The following MAGI2 variants were observed in gnomAD, a reference collection of about 807,000 sequenced individuals.
MAGI2 encodes membrane associated guanylate kinase, WW and PDZ domain containing 2, also known as membrane-associated guanylate kinase, WW and PDZ domain-containing protein 2.
In MAGI2, 35 loss-of-function variants were observed where a neutral mutation model predicts 133.3. The ratio of observed to expected loss-of-function variants is 0.26; its 90% confidence interval spans 0.20 to 0.35. The LOEUF is 0.35. Ranked by LOEUF, MAGI2 falls within the 10% of genes least tolerant of loss-of-function variation. The probability of loss-of-function intolerance (pLI) is 1.00; values close to 1 mark genes in which losing one functional copy is unlikely to be tolerated. For missense variants in MAGI2, 1,636 were observed against 1,863.4 expected (o/e 0.88, Z 2.25); for synonymous variants, 729 against 710.6 (o/e 1.03, Z -0.41).
intron 6 of MAGI2, among the ~76,000 whole-genome samples, chr7:78,424,251 G>A (rs1390206785): frequency 6.6e-6 from 1 of 152,200 alleles, no homozygotes; most frequent in East Asian, 1.9e-4. Context: ...GAGGATGGAA[G>A]CCCCAAACCT....
intron 2 of MAGI2, among the ~76,000 whole-genome samples, chr7:78,886,441 T>C (rs1481893996): frequency 6.6e-6 from 1 of 152,176 alleles, no homozygotes; most frequent in Non-Finnish European, 1.5e-5. Context: ...TTAGAGCCAA[T>C]GTGATTGACT....
intron 1 of MAGI2, among the ~76,000 whole-genome samples, chr7:79,206,346 A>G (rs1022172075): frequency 1.4e-4 from 21 of 151,774 alleles, no homozygotes; most frequent in Non-Finnish European, 2.5e-4. Flanking sequence ...CCTAAGAGAA[A>G]AAAGAAAACT....
At chr7:78,331,653 G>C (rs994880845) in intron 9 of MAGI2, among the ~76,000 whole-genome samples, 1 of 152,090 alleles carries the variant, frequency 6.6e-6, no homozygotes, top group African/African-American at 2.4e-5. Flanking sequence ...ATATCTTCCA[G>C]TCCATTTCTA....
At chr7:79,418,131 TTTTC>T (rs1336587222) in intron 1 of MAGI2, among the ~76,000 whole-genome samples, 1 of 152,120 alleles carries the variant, frequency 6.6e-6, no homozygotes, top group African/African-American at 2.4e-5. Context: ...GTGCCATTGT[TTTTC>T]TTTCTTAGTA....
In MAGI2 at chr7:79,131,027, A is replaced by T. The variant is rs115367601; in HGVS notation, c.302-123821T>A. On this transcript the variant is annotated intron_variant, in intron 1 of 21. Coordinates refer to ENST00000354212, the MANE Select transcript of MAGI2 (RefSeq NM_012301.4). Reference sequence around the variant, plus strand: ...AGGATCATGGAGCAGGTACTAGGCTAGTTACAATGCAAGGTGTTAAGTGAT... The same window carrying T: ...AGGATCATGGAGCAGGTACTAGGCTTGTTACAATGCAAGGTGTTAAGTGAT... 5.5e-3 allele frequency among the ~76,000 whole-genome samples: 831 copies of T among 152,288 alleles called. 11 individuals are homozygous for T. Among genetic ancestry groups the T allele is most frequent in the African/African-American group, 0.019 (791 of 41,558 alleles).
chr7:79,051,565 G>A (rs1268209290), intron 1 of MAGI2, among the ~76,000 whole-genome samples: 6 of 152,074 alleles, frequency 3.9e-5, no homozygotes, highest in Non-Finnish European at 7.4e-5. Flanking sequence ...TATTGCACAT[G>A]TCTTTTATAA....
intron 2 of MAGI2, among the ~76,000 whole-genome samples, chr7:78,729,680 T>C (rs1404932825): frequency 6.6e-6 from 1 of 152,238 alleles, no homozygotes; most frequent in Non-Finnish European, 1.5e-5. Context: ...GAATTCTAGA[T>C]AGATGCTTCA....
chr7:78,662,596 T>C (rs953612718), intron 2 of MAGI2, among the ~76,000 whole-genome samples: 7 of 152,230 alleles, frequency 4.6e-5, no homozygotes, highest in African/African-American at 1.7e-4. Flanking sequence ...TATTTCCATT[T>C]ATTTTATAAT....
chr7:78,837,163 A>G (rs1402136106), intron 2 of MAGI2, among the ~76,000 whole-genome samples: 1 of 152,120 alleles, frequency 6.6e-6, no homozygotes. Flanking sequence ...TGTTAACTCA[A>G]AATTCTCTGG....
rs116116027 is a variant in MAGI2, at chr7:78,572,227, T to G, written c.539-50582A>C. 6.9e-3 allele frequency among the ~76,000 whole-genome samples: 1,056 copies of G among 152,300 alleles called. 10 individuals carry two copies. The highest frequency in any genetic ancestry group is 0.024 in the African/African-American group (995 of 41,548). On this transcript the variant is annotated intron_variant, in intron 3 of 21. Coordinates refer to ENST00000354212, the MANE Select transcript of MAGI2 (RefSeq NM_012301.4). Reference sequence around the variant, plus strand: ...TTTCTTTTACTAAGCTCCTCAGAGATTATGACTGTTTTAATGCTATTTAAT... The same window carrying G: ...TTTCTTTTACTAAGCTCCTCAGAGAGTATGACTGTTTTAATGCTATTTAAT...
chr7:78,782,793 A>G (rs907607741), intron 2 of MAGI2, among the ~76,000 whole-genome samples: 1 of 152,084 alleles, frequency 6.6e-6, no homozygotes, highest in Non-Finnish European at 1.5e-5. Flanking sequence ...AAACTTTGAC[A>G]GTACTAAGCA....
intron 1 of MAGI2, among the ~76,000 whole-genome samples, chr7:79,280,926 GAAAAAAAAAAAAAAAAAAAAAAAAAA>G (rs71095390): frequency 5.6e-5 from 2 of 35,766 alleles, no homozygotes; most frequent in African/African-American, 2.3e-4. Flanking sequence ...CTCTGTCTCT[GAAAAAAAAAAAAAAAAAAAAAAAAAA>G]AAAAAAAAAA....
intron 2 of MAGI2, among the ~76,000 whole-genome samples, chr7:78,813,814 C>T (rs527717556): frequency 7.1e-6 from 1 of 141,814 alleles, no homozygotes; most frequent in South Asian, 2.2e-4. Flanking sequence ...ACACAAAAAG[C>T]AACAAAAAAC....
At chr7:78,132,274 C>T (rs1404759449) in intron 18 of MAGI2, among the ~76,000 whole-genome samples, 2 of 152,222 alleles carry the variant, frequency 1.3e-5, no homozygotes, top group African/African-American at 4.8e-5. Flanking sequence ...TGGACGTCTG[C>T]AGCCACCTCC....
chr7:78,562,272 T>C (rs1342551107), intron 3 of MAGI2, among the ~76,000 whole-genome samples: 1 of 152,248 alleles, frequency 6.6e-6, no homozygotes, highest in African/African-American at 2.4e-5. Flanking sequence ...TTTGTGTTCC[T>C]TCTTCATTCA....
In MAGI2 at chr7:78,936,964, A is replaced by T. The variant is rs554119559; in HGVS notation, c.418+70126T>A. ...ATACTGAAAGGGCCCAGAAACAAAA[A>T]TGCCCCAGTAACAATGAATACATCT... On this transcript the variant is annotated intron_variant, in intron 2 of 21. Transcript: ENST00000354212. 3.9e-5 allele frequency among the ~76,000 whole-genome samples: 6 copies of T among 152,196 alleles called. No homozygotes were observed. The South Asian group carries it at 1.2e-3, about 32-fold the overall frequency.
rs116962713 is a variant in MAGI2, at chr7:78,086,161, T to C, written c.3568-7076A>G. Among the ~76,000 whole-genome samples, 1,118 of 152,182 alleles carry C rather than the reference T, an allele frequency of 7.3e-3. 13 individuals are homozygous for C. The highest frequency in any genetic ancestry group is 8.2e-3 in the Non-Finnish European group (558 of 67,978). On this transcript the variant is annotated intron_variant, in intron 20 of 21. Transcript: ENST00000354212. ...TTGTCAACTGTTACTGATATTAATC[T>C]CATACAGAGAATTTTATTAGATAGC...
At chr7:79,412,470 T>TTG (rs761342354) in intron 1 of MAGI2, 2 of 152,130 alleles carry the variant, frequency 1.3e-5, no homozygotes, top group Non-Finnish European at 2.9e-5. Flanking sequence ...CTAGGTCCCA[T>TTG]TGTGTCGTGG....
At chr7:78,893,433 AT>A (rs570036489) in intron 2 of MAGI2, among the ~76,000 whole-genome samples, 151 of 152,276 alleles carry the variant, frequency 9.9e-4, no homozygotes, top group African/African-American at 3.5e-3. Flanking sequence ...AGGCACACGT[AT>A]GTTTATTGCG....
Sources: gnomAD v4.1 joint callset for allele counts (sites outside exome capture counted in the v4.1 genomes callset) on GRCh38, gnomAD v4.1.1 for gene constraint, MANE v1.5 for transcripts, NCBI Gene and HGNC (gene_info 2026-07-23, HGNC 2026-07-21) for gene names.